Variants in CELF4 observed in about 807,000 individuals in gnomAD.
CELF4 encodes the protein CUGBP Elav-like family member 4, also known as CUG-BP- and ETR-3-like factor 4.
In CELF4, 18 loss-of-function variants were observed where a neutral mutation model predicts 59.9. The ratio of observed to expected loss-of-function variants is 0.30; its 90% confidence interval spans 0.21 to 0.45. CELF4 has a LOEUF of 0.45. CELF4 is among the 20% of genes least tolerant of loss of function. CELF4 has a pLI of 1.00. For missense variants in CELF4, 456 were observed against 689.0 expected, an observed-to-expected ratio of 0.66 and a Z score of 3.79; for synonymous variants, 261 against 267.1, an observed-to-expected ratio of 0.98 and a Z score of 0.22.
At chr18:37,258,650 G>C (rs1210071360) in intron 11 of CELF4, among the ~76,000 whole-genome samples, 2 of 152,166 alleles carry the variant, frequency 1.3e-5, no homozygotes, top group Non-Finnish European at 2.9e-5. Context: ...GCAGGACAGA[G>C]AGCTGGAGAG....
intron 2 of CELF4, among the ~76,000 whole-genome samples, chr18:37,396,490 C>T (rs2099246877): frequency 6.6e-6 from 1 of 152,106 alleles, no homozygotes; most frequent in African/African-American, 2.4e-5. Context: ...AAATAAAAGA[C>T]CACGGTGAGT....
intron 3 of CELF4, among the ~76,000 whole-genome samples, chr18:37,292,520 G>A (rs1178794339): frequency 6.6e-6 from 1 of 152,180 alleles, no homozygotes; most frequent in East Asian, 1.9e-4. Flanking sequence ...ACTTCCTCCT[G>A]CCTGGCTTTT....
chr18:37,466,498 C>T (rs900494986), intron 2 of CELF4, among the ~76,000 whole-genome samples: 9 of 152,112 alleles, frequency 5.9e-5, no homozygotes, highest in Non-Finnish European at 1.3e-4. Context: ...CATTCTAGGT[C>T]CCAGCAGAAA....
At chr18:37,302,919 G>A (rs1416714776) in intron 3 of CELF4, among the ~76,000 whole-genome samples, 1 of 152,118 alleles carries the variant, frequency 6.6e-6, no homozygotes, top group Non-Finnish European at 1.5e-5. Flanking sequence ...GAGGGACAGG[G>A]TGCACAGCTA....
intron 1 of CELF4, among the ~76,000 whole-genome samples, chr18:37,515,885 C>A (rs2099950140): frequency 6.6e-6 from 1 of 152,150 alleles, no homozygotes; most frequent in Admixed American, 6.5e-5. Context: ...GGCAGGAGAC[C>A]AGGCTGGATG....
intron 2 of CELF4, among the ~76,000 whole-genome samples, chr18:37,344,372 A>C (rs2098171180): frequency 1.3e-5 from 2 of 152,258 alleles, no homozygotes. Flanking sequence ...TTTGGCAGGC[A>C]TTGCCACAGC....
chr18:37,565,697 T>TCTCGCTCG lies in CELF4; in HGVS notation c.-64_-57dup, dbSNP rs138975334. 54 of 1,286,146 alleles carry TCTCGCTCG rather than the reference T, an allele frequency of 4.2e-5. 1 individual carries two copies. The Middle Eastern group carries it at 8.8e-4, about 21-fold the overall frequency. 79.7% of individuals were successfully genotyped at this position (1,286,146 alleles called of 1,614,324 possible). A position where few individuals can be genotyped will look rare whatever the true frequency, so the allele number is the denominator to read the frequency against. On this transcript the variant is annotated 5_prime_UTR_variant, in exon 1 of 13. Transcript: ENST00000420428. ...TCGCTCACACTCTCTCGCTCCTCTC[T>TCTCGCTCG]CTCGCTCGCTCGCGCTCACACACGC...
chr18:37,539,472 A>AAACAC (rs1569569812), intron 1 of CELF4, among the ~76,000 whole-genome samples: 5 of 106,748 alleles, frequency 4.7e-5, no homozygotes, highest in Non-Finnish European at 9.8e-5. Flanking sequence ...CACACACACA[A>AAACAC]ACACACACAC....
chr18:37,523,763 C>T (rs2154604766), intron 1 of CELF4, among the ~76,000 whole-genome samples: 1 of 152,268 alleles, frequency 6.6e-6, no homozygotes, highest in East Asian at 1.9e-4. Context: ...CCCTTCTGGT[C>T]CTTCCTTTCC....
rs1035095028 is a variant in CELF4 at position 37,275,185 on chromosome 18, G to C, written c.507C>G (p.Arg169=). 1.9e-6 allele frequency: 3 copies of C among 1,613,732 alleles called. No homozygotes were observed. Among genetic ancestry groups the C allele is most frequent in the Non-Finnish European group, 1.7e-6 (2 of 1,179,886 alleles). ...LNKQQSEDDV[R]RLFEAFGNIE... ...TGTTCCCAAAGGCCTCGAAAAGGCG[G>C]CGCACGTCGTCCTCGGACTGTTGCT... Residue 169 remains arginine (R), a synonymous_variant, in exon 4 of 13, where the codon CGC becomes CGG. Transcript: ENST00000420428.
rs1048190406 is a variant in CELF4, at chr18:37,280,181, G to A, written c.449-4938C>T. ...ACCTGCGCAGGAGCTGGGGCTGGGG[G>A]AAGATGATAAAACTGTGGACAGGAG... On this transcript the variant is annotated intron_variant, in intron 3 of 12. Coordinates refer to ENST00000420428, the MANE Select transcript of CELF4 (RefSeq NM_020180.4). Among the ~76,000 whole-genome samples, 4 of 152,324 alleles carry A rather than the reference G, an allele frequency of 2.6e-5. No individual in the cohort carries two copies. In the South Asian group the frequency reaches 8.3e-4, roughly 32 times the overall value.
At chr18:37,450,550 C>A (rs373898219) in intron 2 of CELF4, among the ~76,000 whole-genome samples, 1 of 151,974 alleles carries the variant, frequency 6.6e-6, no homozygotes, top group Non-Finnish European at 1.5e-5. Flanking sequence ...AGATAAAGTG[C>A]GCACAGCTGC....
chr18:37,495,849 TTG>T (rs752594282), intron 1 of CELF4, among the ~76,000 whole-genome samples: 1 of 151,654 alleles, frequency 6.6e-6, no homozygotes, highest in Non-Finnish European at 1.5e-5. Flanking sequence ...GCATGTGTGC[TTG>T]TGTGTGTGTG....
chr18:37,524,166 AGTC>A (rs2099960819), intron 1 of CELF4, among the ~76,000 whole-genome samples: 1 of 152,206 alleles, frequency 6.6e-6, no homozygotes, highest in Admixed American at 6.5e-5. Flanking sequence ...GCCTTGAATG[AGTC>A]ATATCTGGTT....
intron 1 of CELF4, among the ~76,000 whole-genome samples, chr18:37,500,574 C>T (rs1328147973): frequency 6.7e-6 from 1 of 149,816 alleles, no homozygotes; most frequent in African/African-American, 2.5e-5. Context: ...CACTTTGTCG[C>T]CCAGGCTGGA....
At chr18:37,564,717 A>G (rs2099987612) in intron 1 of CELF4, among the ~76,000 whole-genome samples, 1 of 151,582 alleles carries the variant, frequency 6.6e-6, no homozygotes. Flanking sequence ...AGGTTTTATC[A>G]CTGGTTCCTT....
intron 3 of CELF4, among the ~76,000 whole-genome samples, chr18:37,289,127 C>T (rs532664659): frequency 2.6e-4 from 39 of 151,642 alleles, no homozygotes; most frequent in Middle Eastern, 6.8e-3. Context: ...AGGGCCTGAG[C>T]GGCCCAGCTG....
chr18:37,273,508 C>A (rs1418639374), intron 6 of CELF4: 2 of 1,028,590 alleles, frequency 1.9e-6, no homozygotes, highest in Non-Finnish European at 2.3e-6. Context: ...TAGAGACATG[C>A]TGGATGAGCC....
chr18:37,504,469 A>AG (rs1312289655), intron 1 of CELF4, among the ~76,000 whole-genome samples: 1 of 152,024 alleles, frequency 6.6e-6, no homozygotes, highest in Middle Eastern at 3.2e-3. Context: ...AAAAAAAAAA[A>AG]AAAAGGATGG....
Sources: allele counts gnomAD v4.1 joint callset (sites outside exome capture counted in the v4.1 genomes callset), GRCh38; gene constraint gnomAD v4.1.1; transcripts MANE v1.5; gene names NCBI Gene and HGNC (gene_info 2026-07-23, HGNC 2026-07-21).